RPS6KC1: variants seen among roughly 807,000 people sequenced by gnomAD.
RPS6KC1 encodes the protein inactive ribosomal protein S6 kinase delta-1.
In RPS6KC1, 54 loss-of-function variants were observed where a neutral mutation model predicts 103.8. The ratio of observed to expected loss-of-function variants is 0.52; its 90% CI spans 0.42 to 0.65. RPS6KC1 has a LOEUF of 0.65. Among genes scored for constraint, RPS6KC1 ranks in the 30% least tolerant of loss-of-function variants. RPS6KC1 has a pLI of 0.00. For synonymous variants in RPS6KC1, 439 were observed against 438.7 expected (o/e 1.00, Z -0.01); for missense variants, 1,151 against 1,253.8 (o/e 0.92, Z 1.24).
chr1:213,303,719 G>C, the RPS6KC1 span, among the ~76,000 whole-genome samples: 3 of 152,116 alleles, frequency 2.0e-5, no homozygotes, highest in Non-Finnish European at 4.4e-5. Flanking sequence ...TTTTGAATGA[G>C]CCAACTTGAG....
chr1:213,061,479 G>A (rs2077834573), intron 1 of RPS6KC1, among the ~76,000 whole-genome samples: 1 of 152,132 alleles, frequency 6.6e-6, no homozygotes, highest in South Asian at 2.1e-4. Flanking sequence ...AGGGAAGAGC[G>A]GGAGAGAAGA....
chr1:213,571,354 G>T, the RPS6KC1 span, among the ~76,000 whole-genome samples: 2 of 152,170 alleles, frequency 1.3e-5, no homozygotes, highest in African/African-American at 2.4e-5. Context: ...GAAGGGAAGG[G>T]GCTATGATAG....
chr1:213,318,498 G>T, the RPS6KC1 span, among the ~76,000 whole-genome samples: 1 of 152,200 alleles, frequency 6.6e-6, no homozygotes, highest in Admixed American at 6.5e-5. Context: ...TTATAAATTT[G>T]TATTCATTCC....
At chr1:213,510,927 T>A in the RPS6KC1 span, among the ~76,000 whole-genome samples, 1 of 152,144 alleles carries the variant, frequency 6.6e-6, no homozygotes, top group East Asian at 1.9e-4. Flanking sequence ...GAGCCAATAT[T>A]GACTGAGTAC....
the RPS6KC1 span, among the ~76,000 whole-genome samples, chr1:213,669,157 A>T: frequency 2.0e-5 from 3 of 152,214 alleles, no homozygotes; most frequent in African/African-American, 7.2e-5. Context: ...TTGGCCCAAG[A>T]GGCCTAGCTT....
the RPS6KC1 span, among the ~76,000 whole-genome samples, chr1:213,532,209 A>T: frequency 6.6e-6 from 1 of 152,266 alleles, no homozygotes; most frequent in East Asian, 1.9e-4. Flanking sequence ...ATCCCAGCAG[A>T]TGGGCAGAAG....
chr1:213,095,025 T>C (rs1265947145), intron 3 of RPS6KC1, among the ~76,000 whole-genome samples: 1 of 152,172 alleles, frequency 6.6e-6, no homozygotes, highest in Non-Finnish European at 1.5e-5. Flanking sequence ...TACCTCCACT[T>C]CCTGACAGCA....
chr1:213,418,682 C>A, the RPS6KC1 span, among the ~76,000 whole-genome samples: 5 of 152,260 alleles, frequency 3.3e-5, no homozygotes, highest in African/African-American at 7.2e-5. Context: ...ACACGCCGAT[C>A]TCCAGGGTGT....
At chr1:213,072,140 G>GTT (rs540248789) in intron 2 of RPS6KC1, among the ~76,000 whole-genome samples, 22 of 143,488 alleles carry the variant, frequency 1.5e-4, no homozygotes, top group Non-Finnish European at 3.1e-4. Context: ...CAACAGTATT[G>GTT]TTTTTTTTTT....
the RPS6KC1 span, among the ~76,000 whole-genome samples, chr1:213,408,320 G>A: frequency 6.6e-6 from 1 of 152,194 alleles, no homozygotes; most frequent in Non-Finnish European, 1.5e-5. Context: ...GGTGGCATGT[G>A]CCTATATCCT....
At chr1:213,207,350 T>C (rs899001208) in intron 8 of RPS6KC1, among the ~76,000 whole-genome samples, 9 of 152,060 alleles carry the variant, frequency 5.9e-5, no homozygotes, top group African/African-American at 4.8e-5. Context: ...AAAAACTAAC[T>C]CAGGAAAAGA....
the RPS6KC1 span, among the ~76,000 whole-genome samples, chr1:213,664,377 A>G: frequency 1.3e-5 from 2 of 152,178 alleles, no homozygotes; most frequent in African/African-American, 4.8e-5. Flanking sequence ...GGTCCTTGTA[A>G]ACACAGGCCC....
chr1:213,365,442 C>T, the RPS6KC1 span, among the ~76,000 whole-genome samples: 2 of 152,224 alleles, frequency 1.3e-5, no homozygotes, highest in African/African-American at 4.8e-5. Context: ...TTTTCCATAA[C>T]TATGCTGTAG....
At chr1:213,240,259 C>T (rs2094320931) in intron 10 of RPS6KC1, among the ~76,000 whole-genome samples, 1 of 152,026 alleles carries the variant, frequency 6.6e-6, no homozygotes, top group Non-Finnish European at 1.5e-5. Context: ...GATTTTTCCC[C>T]CCATTGTAGT....
the RPS6KC1 span, among the ~76,000 whole-genome samples, chr1:213,733,544 G>GTTTTTTTT: frequency 5.0e-5 from 5 of 100,234 alleles, 1 homozygote; most frequent in African/African-American, 1.3e-4. Context: ...GCTATTTTTA[G>GTTTTTTTT]TTTGTTTTTT....
At chr1:213,176,376 A>T in intron 7 of RPS6KC1, 24 bp from the exon 8 acceptor site, 1 of 1,536,652 alleles carries the variant, frequency 6.5e-7, no homozygotes, top group South Asian at 1.2e-5. Context: ...TGATTGATGT[A>T]TAATCTTTGA....
the RPS6KC1 span, among the ~76,000 whole-genome samples, chr1:213,504,108 G>A: frequency 2.0e-5 from 3 of 152,036 alleles, no homozygotes; most frequent in Admixed American, 1.3e-4. Context: ...ATAATATTAT[G>A]TTAATGCCAG....
the RPS6KC1 span, among the ~76,000 whole-genome samples, chr1:213,411,649 G>C: frequency 4.1e-4 from 62 of 152,298 alleles, no homozygotes; most frequent in African/African-American, 1.4e-3. Flanking sequence ...AAGCCTTCAA[G>C]GTGACATGTC....
the RPS6KC1 span, among the ~76,000 whole-genome samples, chr1:213,681,806 A>T: frequency 0.13 from 19,910 of 152,154 alleles, 1,418 homozygotes; most frequent in Non-Finnish European, 0.14. Context: ...AAAAAAAAAT[A>T]AAAAATTAGA....
Sources: allele counts gnomAD v4.1 joint callset (sites outside exome capture counted in the v4.1 genomes callset), GRCh38; gene constraint gnomAD v4.1.1; transcripts MANE v1.5; gene names NCBI Gene and HGNC (gene_info 2026-07-23, HGNC 2026-07-21).